The following SPAG11B variants were observed in gnomAD, a reference collection of about 807,000 sequenced individuals.
The protein encoded by SPAG11B is sperm-associated antigen 11B.
A neutral mutation model predicts 8.9 loss-of-function variants in SPAG11B; 5 were observed. The observed-to-expected ratio is 0.56, with a 90% CI of 0.29 to 1.19. SPAG11B has a LOEUF of 1.19. Ranked by LOEUF, SPAG11B falls within the 50% of genes most tolerant of loss-of-function variation. The pLI, the probability that SPAG11B is intolerant of heterozygous loss-of-function variation, is 0.08. For missense variants in SPAG11B, 38 were observed against 146.4 expected (o/e 0.26, Z 3.82); for synonymous variants, 12 against 53.0 (o/e 0.23, Z 3.36).
chr8:7,453,634 A>G (rs1441638110), intron 2 of SPAG11B, among the ~76,000 whole-genome samples: 1 of 150,370 alleles, frequency 6.7e-6, no homozygotes, highest in African/African-American at 2.5e-5. Flanking sequence ...TACAACAACC[A>G]TATCTCACCA....
rs776953581 is a variant in SPAG11B at position 7,450,801 on chromosome 8, C to A, written c.314G>T (p.Cys105Phe). 3.2e-5 allele frequency: 52 copies of A among 1,609,838 alleles called. No homozygotes were observed. The South Asian group carries it at 5.0e-4, about 15-fold the overall frequency. ...GCAACACCTATTCCAGGGATCAGAG[C>A]AAATGTCACGCTTTTTCTCACCAGA... ...CHSGEKKRDICSDPWNRCCVS... is the reference protein window; with the variant it reads ...CHSGEKKRDIFSDPWNRCCVS... The change falls in exon 3 of 3, where the codon TGC (cysteine) becomes TTC (phenylalanine). Residue 105 changes from cysteine (C) to phenylalanine (F), a missense_variant. By Grantham distance (205) the Cys-to-Phe change is radical. This residue lies in a region of SPAG11B where 9 missense variants were observed against 48.6 expected (regional missense o/e 0.19). Coordinates refer to ENST00000398462, the MANE Select transcript of SPAG11B (RefSeq NM_058201.4).
intron 2 of SPAG11B, among the ~76,000 whole-genome samples, chr8:7,458,999 G>C (rs1810614638): frequency 1.1e-5 from 1 of 91,790 alleles, no homozygotes; most frequent in African/African-American, 7.0e-5. Context: ...GGGAGTTTGA[G>C]ACCAGCCTGA....
At position 7,453,174 on chromosome 8, in the gene SPAG11B, G is replaced by A. The variant is rs1473621935; in HGVS notation, c.215-2274C>T. 2.1e-5 allele frequency among the ~76,000 whole-genome samples: 3 copies of A among 143,728 alleles called. No individual in the cohort carries two copies. The East Asian group carries it at 6.1e-4, about 29-fold the overall frequency. 94.3% of individuals were successfully genotyped at this position (143,728 alleles called of 152,430 possible). A position where few individuals can be genotyped will look rare whatever the true frequency, so the allele number is the denominator to read the frequency against. ...GTCATCCTGGGCTGGAGGGAGGTTT[G>A]TGGGCTCTGGGGTGCTGGGAGTTGT... On this transcript the variant is annotated intron_variant, in intron 2 of 2. Coordinates refer to ENST00000398462, the MANE Select transcript of SPAG11B (RefSeq NM_058201.4).
At chr8:7,452,137 C>T (rs1485615313) in intron 2 of SPAG11B, 2 of 50,302 alleles carry the variant, frequency 4.0e-5, no homozygotes, top group Admixed American at 2.1e-4. Flanking sequence ...AGACTGAGCC[C>T]CACAGTGGCC....
chr8:7,451,579 C>G (rs1481956017), intron 2 of SPAG11B, among the ~76,000 whole-genome samples: 2 of 125,346 alleles, frequency 1.6e-5, no homozygotes, highest in Non-Finnish European at 3.3e-5. Context: ...ATCCAACCTC[C>G]AAACGGGGTC....
At chr8:7,453,360 G>T (rs1439954779) in intron 2 of SPAG11B, among the ~76,000 whole-genome samples, 1 of 149,080 alleles carries the variant, frequency 6.7e-6, no homozygotes, top group African/African-American at 2.5e-5. Context: ...AAGCAAAAGG[G>T]GCAAGTGAGA....
downstream of SPAG11B, among the ~76,000 whole-genome samples, chr8:7,450,255 A>C (rs1490367137): frequency 7.0e-6 from 1 of 143,738 alleles, no homozygotes. Flanking sequence ...AAACAACACT[A>C]TCCTACTGAA....
chr8:7,450,950 A>T, intron 2 of SPAG11B, 50 bp from the exon 3 acceptor site: 1 of 1,540,692 alleles, frequency 6.5e-7, no homozygotes, highest in South Asian at 1.2e-5. Context: ...TAGTGCAGAG[A>T]ATAGAAGATG....
intron 2 of SPAG11B, among the ~76,000 whole-genome samples, 183 bp downstream of exon 2, chr8:7,462,524 G>A (rs1304112970): frequency 6.6e-6 from 1 of 150,986 alleles, no homozygotes; most frequent in Non-Finnish European, 1.5e-5. Context: ...TCCAGCCCCA[G>A]GGGAAGCTGT....
downstream of SPAG11B, among the ~76,000 whole-genome samples, chr8:7,450,215 A>G (rs931946105): frequency 6.3e-5 from 8 of 126,708 alleles, no homozygotes; most frequent in African/African-American, 9.4e-5. Context: ...TGTATTAATA[A>G]ATTGAAATAG....
intron 2 of SPAG11B, among the ~76,000 whole-genome samples, chr8:7,457,219 G>T (rs1271041799): frequency 6.7e-6 from 1 of 149,620 alleles, no homozygotes; most frequent in Non-Finnish European, 1.5e-5. Flanking sequence ...GTCTACAACA[G>T]AATGTCTTTG....
At chr8:7,448,970 C>G (rs1413263859), downstream of SPAG11B, among the ~76,000 whole-genome samples, 63 of 140,858 alleles carry the variant, frequency 4.5e-4, 2 homozygotes, top group Middle Eastern at 0.023. Context: ...CAATTTAGAT[C>G]AGCCCAGGCC....
downstream of SPAG11B, among the ~76,000 whole-genome samples, chr8:7,448,809 A>C (rs2740041): frequency 5.2e-5 from 6 of 114,948 alleles, no homozygotes; most frequent in East Asian, 7.1e-4. Flanking sequence ...CTTCCCTTCC[A>C]TGTTTGCTTC....
chr8:7,448,526 G>C (rs2128870934), downstream of SPAG11B, among the ~76,000 whole-genome samples: 1 of 150,380 alleles, frequency 6.6e-6, no homozygotes, highest in South Asian at 2.1e-4. Flanking sequence ...GGATGCTATG[G>C]AGATCTGCCC....
downstream of SPAG11B, chr8:7,449,071 G>A (rs1809973594): frequency 6.2e-6 from 2 of 321,676 alleles, no homozygotes; most frequent in African/African-American, 6.1e-5. Flanking sequence ...AGGGCTCCCT[G>A]GGGGTTCTCA....
At chr8:7,449,910 T>C (rs529404272), downstream of SPAG11B, among the ~76,000 whole-genome samples, 38 of 135,996 alleles carry the variant, frequency 2.8e-4, no homozygotes, top group African/African-American at 1.1e-3. Context: ...TTGTAATTGG[T>C]GTTCACTACT....
chr8:7,458,751 A>T (rs4532613), intron 2 of SPAG11B, among the ~76,000 whole-genome samples: 1,335 of 117,414 alleles, frequency 0.011, 9 homozygotes, highest in South Asian at 0.029. Flanking sequence ...AAAAGGGAAA[A>T]GCATGAAAAT....
chr8:7,452,828 G>C (rs1486103804), intron 2 of SPAG11B, among the ~76,000 whole-genome samples: 1 of 98,832 alleles, frequency 1.0e-5, no homozygotes, highest in African/African-American at 4.4e-5. Flanking sequence ...TTGCAGCCAA[G>C]AGAATGCAAC....
At chr8:7,449,143 C>A (rs1296348142), downstream of SPAG11B, 1 of 345,908 alleles carries the variant, frequency 2.9e-6, no homozygotes, top group Non-Finnish European at 5.5e-6. Context: ...CTGGTGGAGA[C>A]CCCTTGGTCC....
Sources: gnomAD v4.1 joint callset for allele counts (sites outside exome capture counted in the v4.1 genomes callset) on GRCh38, gnomAD v4.1.1 for gene constraint, gnomAD v4.1.1 regional missense constraint, MANE v1.5 for transcripts, NCBI Gene and HGNC (gene_info 2026-07-23, HGNC 2026-07-21) for gene names.